Variants in ASAP1 observed in about 807,000 individuals in gnomAD.
ASAP1 encodes ArfGAP with SH3 domain, ankyrin repeat and PH domain 1.
In ASAP1, 43 loss-of-function variants were observed where a neutral mutation model predicts 145.2. That is an observed-to-expected ratio of 0.30 (90% confidence interval 0.23 to 0.38). ASAP1 has a LOEUF of 0.38. ASAP1 is among the 10% of genes least tolerant of loss of function. The probability of loss-of-function intolerance (pLI) is 1.00; values close to 1 mark genes in which losing one functional copy is unlikely to be tolerated. For synonymous variants in ASAP1, 546 were observed against 515.5 expected (o/e 1.06, Z -0.80); for missense variants, 1,018 against 1,355.3 (o/e 0.75, Z 3.91).
intron 3 of ASAP1, among the ~76,000 whole-genome samples, chr8:130,310,660 A>G (rs868625818): frequency 6.6e-6 from 1 of 152,136 alleles, no homozygotes; most frequent in African/African-American, 2.4e-5. Context: ...TATAGAGTCA[A>G]TCACCAAATC....
chr8:130,317,971 A>C (rs1027368914), intron 3 of ASAP1, among the ~76,000 whole-genome samples: 1 of 152,244 alleles, frequency 6.6e-6, no homozygotes, highest in Non-Finnish European at 1.5e-5. Context: ...AAAATAGCTA[A>C]AACAAGGAAC....
At chr8:130,281,825 G>A (rs1821266134) in intron 3 of ASAP1, among the ~76,000 whole-genome samples, 1 of 152,170 alleles carries the variant, frequency 6.6e-6, no homozygotes, top group South Asian at 2.1e-4. Context: ...CCAGCACTTC[G>A]AGAAAACAAG....
At chr8:130,443,093 C>T (rs1830543828) in intron 1 of ASAP1, among the ~76,000 whole-genome samples, 1 of 152,058 alleles carries the variant, frequency 6.6e-6, no homozygotes, top group Non-Finnish European at 1.5e-5. Context: ...CGGCGGGGTC[C>T]GGGCCGCCAA....
intron 3 of ASAP1, among the ~76,000 whole-genome samples, chr8:130,350,902 T>C (rs1825955753): frequency 6.6e-6 from 1 of 152,180 alleles, no homozygotes; most frequent in South Asian, 2.1e-4. Context: ...GGGCAGCTCA[T>C]AGGCAAATCA....
At chr8:130,062,871 G>A (rs2135085900) in intron 27 of ASAP1, among the ~76,000 whole-genome samples, 1 of 152,304 alleles carries the variant, frequency 6.6e-6, no homozygotes, top group Admixed American at 6.5e-5. Context: ...CTACTCGGGA[G>A]ACTGAGACTG....
Position 130,214,553 on chromosome 8 carries a change from T to G in ASAP1, c.405+3A>C, listed in dbSNP as rs367948174. ...CTTTTTACTCACATATGAAATGTCT[T>G]ACCAGATTTTTCAGCAGTGTGGACA... On this transcript the variant is annotated splice_donor_region_variant and intron_variant, in intron 5 of 29. Transcript: ENST00000518721. 4 of 1,593,512 alleles carry G rather than the reference T, an allele frequency of 2.5e-6. No homozygotes were observed. The highest frequency in any genetic ancestry group is 3.4e-6 in the Non-Finnish European group (4 of 1,173,128).
At chr8:130,440,791 C>T (rs1345539513) in intron 1 of ASAP1, among the ~76,000 whole-genome samples, 1 of 152,240 alleles carries the variant, frequency 6.6e-6, no homozygotes, top group East Asian at 1.9e-4. Flanking sequence ...TGCAATCTCT[C>T]TGCCTGGCCA....
In ASAP1 at chr8:130,052,781, GAA is replaced by G. The variant is rs919195837; in HGVS notation, c.*1948_*1949del. The G allele has an allele frequency of 5.1e-5, 7 of 137,830 alleles. No homozygotes were observed. The highest frequency in any genetic ancestry group is 2.3e-4 in the South Asian group (1 of 4,340). 8.5% of individuals were successfully genotyped at this position (137,830 alleles called of 1,614,324 possible). A position where few individuals can be genotyped will look rare whatever the true frequency, so the allele number is the denominator to read the frequency against. On this transcript the variant is annotated 3_prime_UTR_variant, in exon 30 of 30. Coordinates refer to ENST00000518721, the MANE Select transcript of ASAP1 (RefSeq NM_018482.4). ...AAAACCAGTTTATTTTGAGATCAGT[GAA>G]AAGAGTCTAGGCCACAGAAAAGAAC...
chr8:130,254,664 C>G (rs1819404346), intron 3 of ASAP1, among the ~76,000 whole-genome samples: 1 of 151,996 alleles, frequency 6.6e-6, no homozygotes, highest in Non-Finnish European at 1.5e-5. Flanking sequence ...AAATTATGAC[C>G]CTTATGTAAA....
At chr8:130,166,096 A>C (rs952559655) in intron 11 of ASAP1, among the ~76,000 whole-genome samples, 3 of 152,086 alleles carry the variant, frequency 2.0e-5, no homozygotes, top group Non-Finnish European at 4.4e-5. Flanking sequence ...AATACAGCTT[A>C]CTACAGCCTC....
intron 15 of ASAP1, among the ~76,000 whole-genome samples, chr8:130,131,297 C>A (rs2097582581): frequency 6.6e-6 from 1 of 152,168 alleles, no homozygotes; most frequent in Admixed American, 6.5e-5. Flanking sequence ...CATTCAATTT[C>A]ATCGAACACT....
intron 27 of ASAP1, among the ~76,000 whole-genome samples, chr8:130,064,893 ATGTGTGTGTGTGTGTGTG>A (rs34905534): frequency 1.4e-5 from 2 of 142,564 alleles, no homozygotes; most frequent in East Asian, 2.1e-4. Flanking sequence ...TTTACTAAGA[ATGTGTGTGTGTGTGTGTG>A]TGTGTGTGTG....
At chr8:130,357,867 G>A (rs1312509776) in intron 3 of ASAP1, 150 bp downstream of exon 3, 24 of 1,100,128 alleles carry the variant, frequency 2.2e-5, no homozygotes, top group Non-Finnish European at 3.0e-5. Context: ...GGCGCCGCCC[G>A]TCCGAAGTCC....
At chr8:130,230,704 T>C (rs1344290142) in intron 4 of ASAP1, among the ~76,000 whole-genome samples, 1 of 152,200 alleles carries the variant, frequency 6.6e-6, no homozygotes, top group Non-Finnish European at 1.5e-5. Context: ...TTATTATTTT[T>C]ACTAATCAAT....
At chr8:130,230,897 G>C (rs1817873734) in intron 4 of ASAP1, among the ~76,000 whole-genome samples, 1 of 151,902 alleles carries the variant, frequency 6.6e-6, no homozygotes, top group Non-Finnish European at 1.5e-5. Context: ...GAAAACCGCA[G>C]GATTAAAATA....
intron 3 of ASAP1, among the ~76,000 whole-genome samples, chr8:130,339,142 T>C (rs1210757671): frequency 2.0e-5 from 3 of 152,236 alleles, no homozygotes; most frequent in Non-Finnish European, 4.4e-5. Context: ...AAGGTCTTTG[T>C]CATGGCAAAA....
At chr8:130,125,635 G>A (rs894183839) in intron 17 of ASAP1, among the ~76,000 whole-genome samples, 11 of 152,078 alleles carry the variant, frequency 7.2e-5, no homozygotes, top group Non-Finnish European at 1.2e-4. Flanking sequence ...GAACATTTGA[G>A]TTTAACTGCT....
At chr8:130,348,108 G>A (rs527688139) in intron 3 of ASAP1, among the ~76,000 whole-genome samples, 11 of 152,278 alleles carry the variant, frequency 7.2e-5, no homozygotes, top group East Asian at 3.9e-4. Context: ...AGCCCACTGC[G>A]TGCTGGGTGC....
chr8:130,203,799 A>C (rs1306839560), intron 5 of ASAP1, among the ~76,000 whole-genome samples: 3 of 152,224 alleles, frequency 2.0e-5, no homozygotes, highest in Non-Finnish European at 2.9e-5. Flanking sequence ...CTGGGCCTAA[A>C]GAAAGAGCTC....
Sources: allele counts gnomAD v4.1 joint callset (sites outside exome capture counted in the v4.1 genomes callset), GRCh38; gene constraint gnomAD v4.1.1; transcripts MANE v1.5; gene names NCBI Gene and HGNC (gene_info 2026-07-23, HGNC 2026-07-21).